Variants in ADAM18 observed in about 807,000 individuals in gnomAD.
The protein encoded by ADAM18 is ADAM metallopeptidase domain 18.
In ADAM18, 117 loss-of-function variants were observed where a neutral mutation model predicts 94.4. That is an observed-to-expected ratio of 1.24 (90% CI 1.07 to 1.45). The LOEUF (loss-of-function observed/expected upper bound fraction) is 1.45, where lower values mean the gene tolerates loss of function less well. Among genes scored for constraint, ADAM18 ranks in the 40% most tolerant of loss-of-function variants. The pLI is 0.00. For synonymous variants in ADAM18, 327 were observed against 291.6 expected, an observed-to-expected ratio of 1.12 and a Z score of -1.24; for missense variants, 936 against 880.0, an observed-to-expected ratio of 1.06 and a Z score of -0.81.
At chr8:39,650,502 C>T (rs922187733) in intron 12 of ADAM18, among the ~76,000 whole-genome samples, 4 of 152,216 alleles carry the variant, frequency 2.6e-5, no homozygotes, top group Admixed American at 1.3e-4. Context: ...TAACAACAAA[C>T]TGTATGAAAA....
In ADAM18 at chr8:39,584,694, C is replaced by G. The variant is rs771694609; in HGVS notation, c.55+17C>G. The G allele has an allele frequency of 2.5e-5, 41 of 1,611,700 alleles. No homozygotes were observed. The highest frequency in any genetic ancestry group is 3.4e-5 in the Non-Finnish European group (40 of 1,179,592). On this transcript the variant is annotated intron_variant, in intron 1 of 19. Transcript: ENST00000265707. ...CCCACGAAGGTAAGTCCATGGGAGC[C>G]TCCCCTTTCTTCTTCGACTTTATAG...
chr8:39,595,722 C>T (rs1818721854), intron 2 of ADAM18, among the ~76,000 whole-genome samples: 1 of 152,046 alleles, frequency 6.6e-6, no homozygotes, highest in Non-Finnish European at 1.5e-5. Context: ...TGGGGTTTCA[C>T]CATGTTGGCC....
chr8:39,644,061 C>T (rs1030705888), intron 10 of ADAM18, among the ~76,000 whole-genome samples: 7 of 151,868 alleles, frequency 4.6e-5, no homozygotes, highest in African/African-American at 1.7e-4. Context: ...CATATACATA[C>T]AAACATGTAC....
At chr8:39,624,824 G>A (rs542709288) in intron 6 of ADAM18, among the ~76,000 whole-genome samples, 6 of 152,084 alleles carry the variant, frequency 3.9e-5, no homozygotes, top group Non-Finnish European at 7.4e-5. Context: ...CTCCTGCTCC[G>A]TCCATGTAAG....
At chr8:39,586,952 A>G (rs79644535) in intron 2 of ADAM18, among the ~76,000 whole-genome samples, 17 of 152,180 alleles carry the variant, frequency 1.1e-4, no homozygotes, top group Non-Finnish European at 1.8e-4. Flanking sequence ...TAGTTTTACT[A>G]TGAGAGACAT....
chr8:39,726,187 G>A (rs10958562), intron 19 of ADAM18, among the ~76,000 whole-genome samples: 52,198 of 150,972 alleles, frequency 0.35, 9,083 homozygotes, highest in South Asian at 0.43. Context: ...TTGAAGAAAT[G>A]TCTATTAAGC....
chr8:39,633,582 G>A (rs11785708), intron 7 of ADAM18, among the ~76,000 whole-genome samples: 104,032 of 151,958 alleles, frequency 0.68, 36,337 homozygotes, highest in African/African-American at 0.75. Flanking sequence ...ACTCTTGTTA[G>A]AAAGTGGCCA....
intron 14 of ADAM18, among the ~76,000 whole-genome samples, chr8:39,673,328 A>C (rs928291427): frequency 1.3e-5 from 2 of 152,128 alleles, no homozygotes; most frequent in African/African-American, 4.8e-5. Flanking sequence ...TATTATTATT[A>C]TTTATTGTAC....
At position 39,638,550 on chromosome 8, in the gene ADAM18, T is replaced by C. The variant is rs1820152442; in HGVS notation, c.909+4T>C. The C allele has an allele frequency of 6.6e-7, 1 of 1,523,996 alleles. No individual in the cohort carries two copies. The highest frequency in any genetic ancestry group is 8.8e-7 in the Non-Finnish European group (1 of 1,130,460). 94.4% of individuals were successfully genotyped at this position (1,523,996 alleles called of 1,614,324 possible). On this transcript the variant is annotated splice_donor_region_variant and intron_variant, in intron 10 of 19. Transcript: ENST00000265707. The stretch of plus-strand genomic sequence containing the variant: ...CTATGATGCAGGTATTGCTATGGTA[T>C]GTAATTTTTATTCTTCTTTACATCA...
intron 17 of ADAM18, among the ~76,000 whole-genome samples, 183 bp from the exon 18 acceptor site, chr8:39,706,607 G>T (rs1351733302): frequency 6.6e-6 from 1 of 151,934 alleles, no homozygotes; most frequent in Non-Finnish European, 1.5e-5. Context: ...TTCCCATTTG[G>T]CCATTATGTT....
At chr8:39,609,671 G>T in intron 5 of ADAM18, 110 bp downstream of exon 5, 1 of 713,562 alleles carries the variant, frequency 1.4e-6, no homozygotes, top group Non-Finnish European at 2.3e-6. Context: ...AAATCAAAAT[G>T]GAAAGTTTTC....
At chr8:39,672,455 C>T (rs1821182210) in intron 14 of ADAM18, among the ~76,000 whole-genome samples, 1 of 152,076 alleles carries the variant, frequency 6.6e-6, no homozygotes, top group Non-Finnish European at 1.5e-5. Context: ...CCTTCCCTAC[C>T]AAGTGTCAGG....
At chr8:39,624,365 A>T (rs1359093513) in intron 6 of ADAM18, among the ~76,000 whole-genome samples, 1 of 152,190 alleles carries the variant, frequency 6.6e-6, no homozygotes, top group African/African-American at 2.4e-5. Flanking sequence ...CTTCTTCCAC[A>T]TGTGGCTATC....
At chr8:39,648,747 C>T (rs1820451406) in intron 12 of ADAM18, among the ~76,000 whole-genome samples, 1 of 152,132 alleles carries the variant, frequency 6.6e-6, no homozygotes, top group Non-Finnish European at 1.5e-5. Context: ...ATTACTGTTG[C>T]CAATCATGCC....
chr8:39,634,032 G>T (rs1246364377), intron 7 of ADAM18, among the ~76,000 whole-genome samples: 2 of 152,114 alleles, frequency 1.3e-5, no homozygotes, highest in Non-Finnish European at 2.9e-5. Flanking sequence ...AGAGTGCTGG[G>T]GATTTGTAAG....
chr8:39,682,615 G>T (rs2129580613), intron 16 of ADAM18, among the ~76,000 whole-genome samples: 1 of 152,232 alleles, frequency 6.6e-6, no homozygotes, highest in South Asian at 2.1e-4. Flanking sequence ...CTATGGACCA[G>T]TAATTTCTTT....
At chr8:39,660,924 C>T (rs1317053844) in intron 12 of ADAM18, among the ~76,000 whole-genome samples, 1 of 152,088 alleles carries the variant, frequency 6.6e-6, no homozygotes, top group African/African-American at 2.4e-5. Flanking sequence ...TAAGGTTGGC[C>T]TTCAGTTCAG....
At chr8:39,605,269 C>T (rs942807062) in intron 2 of ADAM18, among the ~76,000 whole-genome samples, 1 of 152,188 alleles carries the variant, frequency 6.6e-6, no homozygotes, top group Non-Finnish European at 1.5e-5. Flanking sequence ...CTGTCTGCAT[C>T]TGTAGACTTA....
At chr8:39,674,915 G>A (rs1821259187) in intron 14 of ADAM18, among the ~76,000 whole-genome samples, 1 of 152,166 alleles carries the variant, frequency 6.6e-6, no homozygotes, top group South Asian at 2.1e-4. Context: ...ATTCTGGGTT[G>A]AAAATTCTTT....
Sources: gnomAD v4.1 joint callset for allele counts (sites outside exome capture counted in the v4.1 genomes callset) on GRCh38, gnomAD v4.1.1 for gene constraint, MANE v1.5 for transcripts, NCBI Gene and HGNC (gene_info 2026-07-23, HGNC 2026-07-21) for gene names.